The following MYO6 variants were observed in gnomAD, a reference collection of about 807,000 sequenced individuals.
MYO6 encodes unconventional myosin-VI.
Under a neutral mutation model 178.7 loss-of-function variants are expected in MYO6, and 74 were observed. That is an observed-to-expected ratio of 0.41 (90% CI 0.34 to 0.50). The LOEUF (loss-of-function observed/expected upper bound fraction) is 0.50, where lower values mean the gene tolerates loss of function less well. Among genes scored for constraint, MYO6 ranks in the 20% least tolerant of loss-of-function variants. The pLI is 0.09. For synonymous variants in MYO6, 477 were observed against 504.6 expected, an observed-to-expected ratio of 0.95 and a Z score of 0.73; for missense variants, 1,330 against 1,547.4, an observed-to-expected ratio of 0.86 and a Z score of 2.36.
rs148245729 is a variant in MYO6, at chr6:75,892,611, C to T, written c.3028C>T (p.Arg1010Trp). 1.1e-5 allele frequency: 18 copies of T among 1,613,254 alleles called. No individual in the cohort carries two copies. The highest frequency in any genetic ancestry group is 3.3e-5 in the Admixed American group (2 of 59,992). ...QAVLEQERRD[R>W]ELALRIAQSE... The stretch of plus-strand genomic sequence containing the variant: ...AGTTCTGGAGCAGGAGCGCAGGGAC[C>T]GGGAGCTGGCCCTGAGGATTGCCCA... Residue 1010 changes from arginine to tryptophan, a missense_variant, in exon 28 of 35, where the codon CGG (arginine) becomes TGG (tryptophan). Physicochemically the swap from Arg to Trp is moderately radical, Grantham distance 101. Coordinates refer to ENST00000369977, the MANE Select transcript of MYO6 (RefSeq NM_004999.4).
chr6:75,801,898 G>A (rs1236903914), intron 1 of MYO6, among the ~76,000 whole-genome samples: 1 of 151,410 alleles, frequency 6.6e-6, no homozygotes, highest in East Asian at 1.9e-4. Flanking sequence ...CTGAGATCAC[G>A]CCATTGTACT....
chr6:75,788,792 A>G (rs375493228), intron 1 of MYO6, among the ~76,000 whole-genome samples: 2 of 152,168 alleles, frequency 1.3e-5, no homozygotes, highest in South Asian at 4.1e-4. Flanking sequence ...GATGGGATAA[A>G]CCTGGAATAC....
intron 13 of MYO6, among the ~76,000 whole-genome samples, chr6:75,857,945 G>T (rs1338168193): frequency 6.6e-6 from 1 of 152,126 alleles, no homozygotes; most frequent in Non-Finnish European, 1.5e-5. Context: ...CTTCTTTGTG[G>T]TTTTTGCCAA....
intron 25 of MYO6, among the ~76,000 whole-genome samples, chr6:75,888,091 A>G (rs1583371283): frequency 6.6e-6 from 1 of 151,790 alleles, no homozygotes; most frequent in Non-Finnish European, 1.5e-5. Context: ...GGAGGTTGAG[A>G]CCAGCCCAGC....
intron 1 of MYO6, among the ~76,000 whole-genome samples, chr6:75,773,764 T>A (rs1018637967): frequency 6.6e-6 from 1 of 152,214 alleles, no homozygotes; most frequent in Non-Finnish European, 1.5e-5. Flanking sequence ...TGTAAGATGG[T>A]GGCAAAACAT....
chr6:75,753,455 G>GTGTGTGTATATATATATA lies in MYO6; in HGVS notation c.-48+4033_-48+4034insGTGTGTATATATATATAT, dbSNP rs370647728. Among the ~76,000 whole-genome samples the GTGTGTGTATATATATATA allele has an allele frequency of 6.5e-4, 91 of 140,038 alleles. 1 individual carries two copies. The highest frequency in any genetic ancestry group is 2.3e-3 in the African/African-American group (87 of 37,224). 91.9% of individuals were successfully genotyped at this position (140,038 alleles called of 152,430 possible). On this transcript the variant is annotated intron_variant, in intron 1 of 34. Coordinates refer to ENST00000369977, the MANE Select transcript of MYO6 (RefSeq NM_004999.4). Reference sequence around the variant, plus strand: ...ATGATCTATATATGTGTGTGTGTGTGTATATATATATATATATATATATAT... The same window carrying GTGTGTGTATATATATATA: ...ATGATCTATATATGTGTGTGTGTGTGTGTGTGTATATATATATATATATATATATATATATATATATAT...
chr6:75,914,690 T>C, intron 34 of MYO6, 123 bp from the exon 35 acceptor site: 1 of 934,272 alleles, frequency 1.1e-6, no homozygotes, highest in Non-Finnish European at 1.7e-6. Flanking sequence ...GATTTCCATC[T>C]TAGAGAAAAA....
At chr6:75,884,099 C>T (rs1348305970) in intron 23 of MYO6, among the ~76,000 whole-genome samples, 1 of 152,156 alleles carries the variant, frequency 6.6e-6, no homozygotes, top group East Asian at 1.9e-4. Flanking sequence ...ATAGTAAACT[C>T]ATCTGTTACA....
intron 30 of MYO6, among the ~76,000 whole-genome samples, chr6:75,903,327 G>A (rs1779980652): frequency 6.6e-6 from 1 of 152,038 alleles, no homozygotes; most frequent in South Asian, 2.1e-4. Flanking sequence ...ACAGTGGGGT[G>A]TTAAAGTCTC....
At chr6:75,909,796 T>G (rs1364887953) in intron 32 of MYO6, among the ~76,000 whole-genome samples, 1 of 152,184 alleles carries the variant, frequency 6.6e-6, no homozygotes, top group East Asian at 1.9e-4. Flanking sequence ...ATAGTATAGT[T>G]TAGCAATGCA....
At position 75,822,768 on chromosome 6, in the gene MYO6, GT is replaced by G. The variant is rs769039414; in HGVS notation, c.118-10del. On this transcript the variant is annotated splice_polypyrimidine_tract_variant and intron_variant, in intron 2 of 34. Coordinates refer to ENST00000369977, the MANE Select transcript of MYO6 (RefSeq NM_004999.4). ...AAAGCCTTGAGTTTAATGAGCATTTGTTTTGCTTGTTAGACATTTTTGGCTC... is the reference window on the plus strand; with the variant it reads ...AAAGCCTTGAGTTTAATGAGCATTTGTTTGCTTGTTAGACATTTTTGGCTC... 1 of 1,610,876 alleles carries G rather than the reference GT, an allele frequency of 6.2e-7. No homozygotes were observed. The highest frequency in any genetic ancestry group is 1.3e-5 in the African/African-American group (1 of 74,812).
chr6:75,831,030 G>A (rs1231216602), intron 5 of MYO6, among the ~76,000 whole-genome samples: 4 of 152,126 alleles, frequency 2.6e-5, no homozygotes, highest in African/African-American at 9.7e-5. Context: ...AAAATTAAAG[G>A]ATTAAAAGTA....
At chr6:75,890,767 T>G (rs1472066438) in intron 26 of MYO6, among the ~76,000 whole-genome samples, 2 of 152,232 alleles carry the variant, frequency 1.3e-5, no homozygotes. Context: ...TAATCTGAAT[T>G]TGTTAGCCTC....
At chr6:75,854,009 T>C (rs1033799843) in intron 11 of MYO6, among the ~76,000 whole-genome samples, 1 of 152,160 alleles carries the variant, frequency 6.6e-6, no homozygotes, top group Non-Finnish European at 1.5e-5. Flanking sequence ...GTCACATAGC[T>C]AGTAGTTGTA....
In MYO6 at chr6:75,908,554, T is replaced by C. The variant is rs781701132; in HGVS notation, c.3339T>C (p.His1113=). Reference sequence around the variant, plus strand: ...TTCATAGGAGACTAAAAGTGTATCATGCTTGGAAATCTAAGAACAAGAAGA... The same window carrying C: ...TTCATAGGAGACTAAAAGTGTATCACGCTTGGAAATCTAAGAACAAGAAGA... The part of the protein sequence containing the change: ...EEFHRRLKVY[H]AWKSKNKKRN... Residue 1113 remains histidine, a synonymous_variant, in exon 32 of 35, where the codon CAT becomes CAC. Coordinates refer to ENST00000369977, the MANE Select transcript of MYO6 (RefSeq NM_004999.4). The C allele has an allele frequency of 1.9e-6, 3 of 1,613,614 alleles. No individual in the cohort carries two copies. Among genetic ancestry groups the C allele is most frequent in the Non-Finnish European group, 2.5e-6 (3 of 1,179,698 alleles).
intron 32 of MYO6, among the ~76,000 whole-genome samples, chr6:75,911,387 G>C (rs1469481692): frequency 6.6e-6 from 1 of 151,772 alleles, no homozygotes; most frequent in Admixed American, 6.6e-5. Flanking sequence ...GTTTTTGTTT[G>C]GATATGTGTT....
chr6:75,828,652 A>G (rs1476253554), intron 4 of MYO6, 39 bp downstream of exon 4: 1 of 1,243,598 alleles, frequency 8.0e-7, no homozygotes, highest in Admixed American at 1.7e-5. Context: ...TTGTGGAGAT[A>G]ATTATTTCAT....
chr6:75,785,180 GCAAA>G (rs1767411872), intron 1 of MYO6, among the ~76,000 whole-genome samples: 1 of 152,154 alleles, frequency 6.6e-6, no homozygotes, highest in Non-Finnish European at 1.5e-5. Context: ...CTATTGCTGG[GCAAA>G]CAGAGGAATG....
chr6:75,796,965 A>G (rs1768908257), intron 1 of MYO6, among the ~76,000 whole-genome samples: 1 of 151,788 alleles, frequency 6.6e-6, no homozygotes, highest in Non-Finnish European at 1.5e-5. Flanking sequence ...TGTGTACTAT[A>G]TTTTCTTTAT....
Sources: allele counts gnomAD v4.1 joint callset (sites outside exome capture counted in the v4.1 genomes callset), GRCh38; gene constraint gnomAD v4.1.1; transcripts MANE v1.5; gene names NCBI Gene and HGNC (gene_info 2026-07-23, HGNC 2026-07-21).